ZNF473: variants seen among roughly 807,000 people sequenced by gnomAD.
ZNF473 encodes the protein zinc finger protein 100 homolog.
A neutral mutation model predicts 11.1 loss-of-function variants in ZNF473; 4 were observed. The observed-to-expected ratio is 0.36, with a 90% CI of 0.18 to 0.82. The LOEUF is 0.82. ZNF473 is among the 40% of genes least tolerant of loss of function. The pLI is 0.49. For synonymous variants in ZNF473, 404 were observed against 390.4 expected, an observed-to-expected ratio of 1.03 and a Z score of -0.41; for missense variants, 854 against 1,084.0, an observed-to-expected ratio of 0.79 and a Z score of 2.98.
Position 50,045,243 on chromosome 19 carries a change from G to A in ZNF473, c.800G>A (p.Cys267Tyr). 2 of 1,614,174 alleles carry A rather than the reference G, an allele frequency of 1.2e-6. No homozygotes were observed. The highest frequency in any genetic ancestry group is 1.7e-6 in the Non-Finnish European group (2 of 1,180,030). The change falls in exon 5 of 5, where the codon TGT becomes TAT. Residue 267 changes from cysteine (C) to tyrosine (Y), a missense_variant. By Grantham distance (194) the Cys-to-Tyr change is radical. Transcript: ENST00000270617. Reference sequence around the variant, plus strand: ...CACACGGGCTACAAATTCTATGTGTGTAATGAATATGGGACAACTTTTAGT... The same window carrying A: ...CACACGGGCTACAAATTCTATGTGTATAATGAATATGGGACAACTTTTAGT... ...KTHTGYKFYV[C>Y]NEYGTTFSQS...
chr19:50,046,887 C>T lies in ZNF473; in HGVS notation c.2444C>T (p.Ser815Phe). ...QRIHTGEKPYSCNVCGKAFVL... is the reference protein window; with the variant it reads ...QRIHTGEKPYFCNVCGKAFVL... ...ATTCACACAGGGGAGAAGCCTTACT[C>T]CTGTAATGTGTGTGGCAAAGCTTTT... is the stretch of plus-strand genomic sequence containing the variant. The change falls in exon 5 of 5, where the codon TCC becomes TTC. Residue 815 changes from serine to phenylalanine, a missense_variant. Transcript: ENST00000270617. The surrounding 1 kb of genome is among the most constrained non-coding windows in gnomAD (Gnocchi z 5.9). The T allele has an allele frequency of 6.2e-7, 1 of 1,614,170 alleles. No individual in the cohort carries two copies. The highest frequency in any genetic ancestry group is 8.5e-7 in the Non-Finnish European group (1 of 1,180,034).
rs549563968 is a variant in ZNF473 at position 50,026,701 on chromosome 19, C to T, written c.-192+579C>T. On this transcript the variant is annotated intron_variant, in intron 1 of 4. Transcript: ENST00000270617. ...GAAAAAAATAGAAAAATTAGCCGGG[C>T]GTGGTGGTGCGCCCCTGTATTCCTA... Among the ~76,000 whole-genome samples, 10 of 151,716 alleles carry T rather than the reference C, an allele frequency of 6.6e-5. No homozygotes were observed. In the South Asian group the frequency reaches 1.5e-3, roughly 22 times the overall value.
Position 50,039,624 on chromosome 19 carries a change from A to C in ZNF473, c.136+337A>C, listed in dbSNP as rs550826472. Among the ~76,000 whole-genome samples, 1 of 152,240 alleles carries C rather than the reference A, an allele frequency of 6.6e-6. No homozygotes were observed. The highest frequency in any genetic ancestry group is 1.5e-5 in the Non-Finnish European group (1 of 68,036). On this transcript the variant is annotated intron_variant, in intron 3 of 4. Coordinates refer to ENST00000270617, the MANE Select transcript of ZNF473 (RefSeq NM_015428.4). The surrounding 1 kb of genome is among the most constrained non-coding windows in gnomAD (Gnocchi z 4.8). ...CCTGGGAAACCCTGCTCTGGCCCCT[A>C]TCTGCCTCCCCAGCCTTGTCTTCAC...
In ZNF473 at chr19:50,045,505, G is replaced by T; in HGVS notation, c.1062G>T (p.Ala354=). 3.1e-6 allele frequency: 5 copies of T among 1,614,120 alleles called. No individual in the cohort carries two copies. Among genetic ancestry groups the T allele is most frequent in the Non-Finnish European group, 4.2e-6 (5 of 1,180,020 alleles). ...RKRYECSKCQ[A]TFNLRKHLIQ... is the part of the protein sequence containing the mutation. The stretch of plus-strand genomic sequence containing the variant: ...GCTATGAGTGTTCCAAGTGCCAGGC[G>T]ACCTTCAACTTGAGAAAACACCTCA... Residue 354 remains alanine (A), a synonymous_variant, in exon 5 of 5, where the codon GCG becomes GCT. Coordinates refer to ENST00000270617, the MANE Select transcript of ZNF473 (RefSeq NM_015428.4).
At position 50,039,491 on chromosome 19, in the gene ZNF473, C is replaced by T. The variant is rs1978656742; in HGVS notation, c.136+204C>T. Among the ~76,000 whole-genome samples the T allele has an allele frequency of 6.6e-6, 1 of 152,268 alleles. No homozygotes were observed. Among genetic ancestry groups the T allele is most frequent in the Non-Finnish European group, 1.5e-5 (1 of 68,048 alleles). On this transcript the variant is annotated intron_variant, in intron 3 of 4. Transcript: ENST00000270617. This position sits in a 1 kb window ranked among gnomAD's most constrained non-coding sequence, Gnocchi z 4.8. ...TTACTCCTTGGGCCAGCGCAGCGTGCCGCTAGCATCTAGCTGGTGGAACCA... is the reference window on the plus strand; with the variant it reads ...TTACTCCTTGGGCCAGCGCAGCGTGTCGCTAGCATCTAGCTGGTGGAACCA...
rs1412317726 is a variant in ZNF473, at chr19:50,039,978, C to T, written c.136+691C>T. On this transcript the variant is annotated intron_variant, in intron 3 of 4. Transcript: ENST00000270617. The surrounding 1 kb of genome is among the most constrained non-coding windows in gnomAD (Gnocchi z 4.8). ...TCTTAGGACTTGCTTGTTCAATCCT[C>T]CAGTCACCCCATGAAGAAGCTGGGT... 6.6e-6 allele frequency among the ~76,000 whole-genome samples: 1 copy of T among 152,158 alleles called. No homozygotes were observed. Among genetic ancestry groups the T allele is most frequent in the East Asian group, 1.9e-4 (1 of 5,202 alleles).
intron 1 of ZNF473, among the ~76,000 whole-genome samples, chr19:50,030,210 C>G (rs546892768): frequency 2.0e-5 from 3 of 152,244 alleles, no homozygotes; most frequent in South Asian, 2.1e-4. Context: ...TGAAATATTT[C>G]TGTTGTAGAG....
Position 50,045,424 on chromosome 19 carries a change from G to C in ZNF473, c.981G>C (p.Lys327Asn), listed in dbSNP as rs1401567483. 16 of 1,614,148 alleles carry C rather than the reference G, an allele frequency of 9.9e-6. No individual in the cohort carries two copies. Among genetic ancestry groups the C allele is most frequent in the Non-Finnish European group, 1.3e-5 (15 of 1,180,026 alleles). Residue 327 changes from lysine to asparagine, a missense_variant, in exon 5 of 5, where the codon AAG becomes AAC. This residue lies in a region of ZNF473 where 668 missense variants were observed against 790.2 expected (regional missense o/e 0.85). Coordinates refer to ENST00000270617, the MANE Select transcript of ZNF473 (RefSeq NM_015428.4). Reference sequence around the variant, plus strand: ...CCTACAACTGTAACGAATGCGGCAAGGCTTTTACCCGGATCTTCCACCTTA... The same window carrying C: ...CCTACAACTGTAACGAATGCGGCAACGCTTTTACCCGGATCTTCCACCTTA... Reference protein sequence around the residue: ...SKSYNCNECGKAFTRIFHLTR... With the variant: ...SKSYNCNECGNAFTRIFHLTR...
chr19:50,031,004 C>T lies in ZNF473; in HGVS notation c.-79C>T. 7 of 1,546,756 alleles carry T rather than the reference C, an allele frequency of 4.5e-6. No homozygotes were observed. The highest frequency in any genetic ancestry group is 2.4e-5 in the East Asian group (1 of 40,922). On this transcript the variant is annotated 5_prime_UTR_variant, in exon 2 of 5. Coordinates refer to ENST00000270617, the MANE Select transcript of ZNF473 (RefSeq NM_015428.4). The stretch of plus-strand genomic sequence containing the variant: ...GAGGCTTTCTCACAGCTCCCTTGTG[C>T]TTCCCACAGCCCTGCCAGCCGGGAA...
rs1218457726 is a variant in ZNF473 at position 50,039,320 on chromosome 19, C to T, written c.136+33C>T. 30 of 1,612,294 alleles carry T rather than the reference C, an allele frequency of 1.9e-5. No individual in the cohort carries two copies. Among genetic ancestry groups the T allele is most frequent in the Non-Finnish European group, 2.5e-5 (29 of 1,178,934 alleles). On this transcript the variant is annotated intron_variant, in intron 3 of 4. Transcript: ENST00000270617. This position sits in a 1 kb window ranked among gnomAD's most constrained non-coding sequence, Gnocchi z 4.8. ...TTGCCTGTCCCCAGGGGCCTACTCA[C>T]TGCCCTGCTTGGTGATCACCCATGC...
intron 1 of ZNF473, 50 bp from the exon 2 acceptor site, chr19:50,030,842 T>G: frequency 1.7e-6 from 1 of 592,918 alleles, no homozygotes; most frequent in Non-Finnish European, 3.0e-6. Context: ...ACAGTGCAAA[T>G]GTGGGGCTGA....
chr19:50,038,194 T>TTATAAATTATAAATTATAATTTATAAA (rs1568407312), intron 2 of ZNF473, among the ~76,000 whole-genome samples: 3 of 132,666 alleles, frequency 2.3e-5, no homozygotes, highest in African/African-American at 1.1e-4. Context: ...AATTTATAAA[T>TTATAAATTATAAATTATAATTTATAAA]TTATAAATTA....
chr19:50,029,016 A>G (rs1420019757), intron 1 of ZNF473, among the ~76,000 whole-genome samples: 1 of 152,222 alleles, frequency 6.6e-6, no homozygotes. Context: ...GAACTACTAC[A>G]GGGTATTTTT....
chr19:50,045,370 G>A lies in ZNF473; in HGVS notation c.927G>A (p.Glu309=). 1 of 1,614,160 alleles carries A rather than the reference G, an allele frequency of 6.2e-7. No homozygotes were observed. The highest frequency in any genetic ancestry group is 2.2e-5 in the East Asian group (1 of 44,880). The part of the protein sequence containing the change: ...HPPSHDTQPG[E]HQKTHTDSKS... The stretch of plus-strand genomic sequence containing the variant: ...CCAGTCATGACACACAGCCTGGTGA[G>A]CATCAGAAAACTCACACAGATAGTA... The change falls in exon 5 of 5, where the codon GAG becomes GAA. Residue 309 remains glutamate, a synonymous_variant. Coordinates refer to ENST00000270617, the MANE Select transcript of ZNF473 (RefSeq NM_015428.4).
chr19:50,042,047 G>A (rs918666476), intron 4 of ZNF473: 4 of 362,058 alleles, frequency 1.1e-5, no homozygotes, highest in Admixed American at 4.7e-5. Context: ...TCAGCACAGG[G>A]TTATCCTGGT....
chr19:50,045,439 C>G lies in ZNF473; in HGVS notation c.996C>G (p.Ile332Met), dbSNP rs753960599. ...AATGCGGCAAGGCTTTTACCCGGAT[C>G]TTCCACCTTACTCGGCACCAGAAGA... ...CNECGKAFTRIFHLTRHQKIH... is the reference protein window; with the variant it reads ...CNECGKAFTRMFHLTRHQKIH... Residue 332 changes from isoleucine (I) to methionine (M), a missense_variant, in exon 5 of 5, where the codon ATC (isoleucine) becomes ATG (methionine). Ile to Met is a conservative substitution (Grantham distance 10). This residue lies in a region of ZNF473 where 668 missense variants were observed against 790.2 expected (regional missense o/e 0.85). Transcript: ENST00000270617. The G allele has an allele frequency of 6.2e-7, 1 of 1,613,424 alleles. No individual in the cohort carries two copies. Among genetic ancestry groups the G allele is most frequent in the Admixed American group, 1.7e-5 (1 of 59,948 alleles).
chr19:50,044,104 T>TAG (rs1026416067), intron 4 of ZNF473, among the ~76,000 whole-genome samples: 22 of 150,840 alleles, frequency 1.5e-4, no homozygotes, highest in Middle Eastern at 3.4e-3. Context: ...TGTGGAAGAC[T>TAG]AGAGAGAGAG....
rs1380344431 is a variant in ZNF473, at chr19:50,044,993, A to G, written c.550A>G (p.Lys184Glu). ...SEKTLTPAKS[K>E]EYRGEFFSYS... ...AAAGACCCTCACACCAGCTAAGTCT[A>G]AGGAATATAGGGGTGAGTTTTTCTC... The change falls in exon 5 of 5, where the codon AAG (lysine) becomes GAG (glutamate). Residue 184 changes from lysine to glutamate, a missense_variant. This residue lies in a region of ZNF473 where 668 missense variants were observed against 790.2 expected (regional missense o/e 0.85). Transcript: ENST00000270617. 2 of 1,614,236 alleles carry G rather than the reference A, an allele frequency of 1.2e-6. No homozygotes were observed. The highest frequency in any genetic ancestry group is 2.2e-5 in the South Asian group (2 of 91,088).
intron 2 of ZNF473, among the ~76,000 whole-genome samples, chr19:50,033,358 G>A (rs1346874321): frequency 3.9e-5 from 6 of 152,128 alleles, no homozygotes; most frequent in African/African-American, 1.4e-4. Context: ...CAGGAAAGGG[G>A]GAGAAGGTGA....
Sources: allele counts gnomAD v4.1 joint callset (sites outside exome capture counted in the v4.1 genomes callset), GRCh38; gene constraint gnomAD v4.1.1; regional missense constraint gnomAD v4.1.1; non-coding constraint Gnocchi (gnomAD v3.1); transcripts MANE v1.5; gene names NCBI Gene and HGNC (gene_info 2026-07-23, HGNC 2026-07-21).